Variants in IQCJ observed in about 807,000 individuals in gnomAD.
IQCJ encodes IQ domain-containing protein J.
A neutral mutation model predicts 11.0 loss-of-function variants in IQCJ; 9 were observed. That is an observed-to-expected ratio of 0.82 (90% CI 0.49 to 1.43). IQCJ has a LOEUF of 1.43. IQCJ is among the 40% of genes most tolerant of loss of function. The pLI is 0.00. For synonymous variants in IQCJ, 55 were observed against 51.3 expected, an observed-to-expected ratio of 1.07 and a Z score of -0.31; for missense variants, 146 against 133.2, an observed-to-expected ratio of 1.10 and a Z score of -0.47.
chr3:159,250,001 T>A (rs993268766), intron 2 of IQCJ, among the ~76,000 whole-genome samples: 3 of 152,210 alleles, frequency 2.0e-5, no homozygotes, highest in Admixed American at 1.3e-4. Context: ...GAAGGCTACT[T>A]ATGACTCCGT....
chr3:159,085,040 T>C (rs2108065688), intron 1 of IQCJ, among the ~76,000 whole-genome samples: 1 of 152,146 alleles, frequency 6.6e-6, no homozygotes, highest in South Asian at 2.1e-4. Flanking sequence ...TAGCATTAGG[T>C]ATATCTCCCA....
chr3:159,184,387 GC>G (rs1723268346), intron 1 of IQCJ, among the ~76,000 whole-genome samples: 3 of 151,998 alleles, frequency 2.0e-5, no homozygotes, highest in Admixed American at 6.6e-5. Flanking sequence ...TTCTAAAGTG[GC>G]CCCTGAATCA....
intron 1 of IQCJ, among the ~76,000 whole-genome samples, chr3:159,105,170 A>G (rs1421552952): frequency 1.3e-5 from 2 of 152,244 alleles, no homozygotes; most frequent in Non-Finnish European, 2.9e-5. Context: ...TCTGAAAGAT[A>G]AAATAAATTG....
intron 2 of IQCJ, among the ~76,000 whole-genome samples, chr3:159,250,450 T>G (rs759001902): frequency 5.9e-5 from 9 of 152,190 alleles, no homozygotes; most frequent in African/African-American, 9.6e-5. Flanking sequence ...AATAAGACTT[T>G]CTGTGTTAGT....
At chr3:159,113,627 T>C (rs1305247600) in intron 1 of IQCJ, among the ~76,000 whole-genome samples, 1 of 152,230 alleles carries the variant, frequency 6.6e-6, no homozygotes, top group African/African-American at 2.4e-5. Flanking sequence ...GGAAGTGATA[T>C]TCTTGGCACC....
chr3:159,151,689 G>A (rs1721232112), intron 1 of IQCJ, among the ~76,000 whole-genome samples: 1 of 152,214 alleles, frequency 6.6e-6, no homozygotes, highest in Admixed American at 6.5e-5. Context: ...AGGCTGGAGT[G>A]CAGTGGCGCT....
intron 1 of IQCJ, among the ~76,000 whole-genome samples, chr3:159,151,297 G>A (rs889196998): frequency 6.6e-6 from 1 of 152,208 alleles, no homozygotes; most frequent in African/African-American, 2.4e-5. Flanking sequence ...CTCCCTGAAT[G>A]CCAGCCGGCC....
At chr3:159,220,969 C>T (rs1725502067) in intron 1 of IQCJ, among the ~76,000 whole-genome samples, 2 of 152,006 alleles carry the variant, frequency 1.3e-5, no homozygotes, top group African/African-American at 2.4e-5. Flanking sequence ...GAGCTCAGAG[C>T]AGAAACCTAA....
intron 1 of IQCJ, among the ~76,000 whole-genome samples, chr3:159,187,891 A>G (rs1723463240): frequency 1.3e-5 from 2 of 152,178 alleles, no homozygotes; most frequent in Non-Finnish European, 2.9e-5. Context: ...GATTGGCTGC[A>G]TGACCTATTT....
At position 159,245,822 on chromosome 3, in the gene IQCJ, T is replaced by C. The variant is rs535539522; in HGVS notation, c.10-21T>C. 5.9e-6 allele frequency: 9 copies of C among 1,533,060 alleles called. No individual in the cohort carries two copies. In the African/African-American group the frequency reaches 1.1e-4, roughly 19 times the overall value. 95.0% of individuals were successfully genotyped at this position (1,533,060 alleles called of 1,614,324 possible). ...AAGTAGCTGGTGACAATTTGTAAGATATATCTTCTCTTTTTCACAGGAAGA... is the reference window on the plus strand; with the variant it reads ...AAGTAGCTGGTGACAATTTGTAAGACATATCTTCTCTTTTTCACAGGAAGA... On this transcript the variant is annotated intron_variant, in intron 1 of 3. Coordinates refer to ENST00000397832, the MANE Select transcript of IQCJ (RefSeq NM_001042706.3).
chr3:159,265,397 C>A, downstream of IQCJ: 1 of 1,612,126 alleles, frequency 6.2e-7, no homozygotes, highest in Non-Finnish European at 8.5e-7. Flanking sequence ...TTCTCACCCT[C>A]CAGTGAATGG....
chr3:159,180,916 C>A (rs1723057682), intron 1 of IQCJ, among the ~76,000 whole-genome samples: 5 of 152,010 alleles, frequency 3.3e-5, no homozygotes, highest in Admixed American at 3.3e-4. Flanking sequence ...CTGTAACCTG[C>A]TGTTTTTCAC....
chr3:159,125,414 G>A (rs981210765), intron 1 of IQCJ, among the ~76,000 whole-genome samples: 1 of 152,094 alleles, frequency 6.6e-6, no homozygotes, highest in Admixed American at 6.6e-5. Flanking sequence ...TGGACTTTAG[G>A]TAAAGACTAA....
chr3:159,117,483 T>C lies in IQCJ; in HGVS notation c.9+48042T>C, dbSNP rs903871485. On this transcript the variant is annotated intron_variant, in intron 1 of 3. Transcript: ENST00000397832. ...TCCTTTCACTTATTTAATCATTTAA[T>C]AAAACGTTGAGTTCATTGTATGTAC... Among the ~76,000 whole-genome samples, 3 of 152,354 alleles carry C rather than the reference T, an allele frequency of 2.0e-5. No homozygotes were observed. The South Asian group carries it at 6.2e-4, about 32-fold the overall frequency.
chr3:159,233,811 A>G (rs1267010151), intron 1 of IQCJ, among the ~76,000 whole-genome samples: 1 of 152,168 alleles, frequency 6.6e-6, no homozygotes, highest in Non-Finnish European at 1.5e-5. Flanking sequence ...AGTACACAAA[A>G]CACCTTTAAA....
rs572933096 is a variant in IQCJ at position 159,115,897 on chromosome 3, G to T, written c.9+46456G>T. ...ACACTGCTTGGGGCAGGGGGCATGG[G>T]TATCACACACTGGGGCCTGTCAGGG... On this transcript the variant is annotated intron_variant, in intron 1 of 3. Coordinates refer to ENST00000397832, the MANE Select transcript of IQCJ (RefSeq NM_001042706.3). Among the ~76,000 whole-genome samples, 407 of 152,216 alleles carry T rather than the reference G, an allele frequency of 2.7e-3. 4 individuals are homozygous for T. Among genetic ancestry groups the T allele is most frequent in the Non-Finnish European group, 4.5e-3 (308 of 68,020 alleles).
At position 159,161,372 on chromosome 3, in the gene IQCJ, T is replaced by G. The variant is rs565765357; in HGVS notation, c.10-84471T>G. On this transcript the variant is annotated intron_variant, in intron 1 of 3. Transcript: ENST00000397832. Reference sequence around the variant, plus strand: ...CATGTCCTTTGCCCACTTTTTGATGTGGTTGTTTGTTTTTTTCTTGTAAAT... The same window carrying G: ...CATGTCCTTTGCCCACTTTTTGATGGGGTTGTTTGTTTTTTTCTTGTAAAT... 3.1e-3 allele frequency among the ~76,000 whole-genome samples: 474 copies of G among 152,154 alleles called. 2 individuals carry two copies. The highest frequency in any genetic ancestry group is 0.01 in the African/African-American group (419 of 41,538).
chr3:159,186,143 G>T (rs144761604), intron 1 of IQCJ, among the ~76,000 whole-genome samples: 1 of 152,200 alleles, frequency 6.6e-6, no homozygotes, highest in South Asian at 2.1e-4. Flanking sequence ...AAATGCTACA[G>T]TGAAGGTTGA....
At chr3:159,158,037 T>G (rs1721632380) in intron 1 of IQCJ, among the ~76,000 whole-genome samples, 1 of 152,328 alleles carries the variant, frequency 6.6e-6, no homozygotes, top group African/African-American at 2.4e-5. Context: ...CAAGTAGGTG[T>G]GTATATAAAT....
Sources: allele counts gnomAD v4.1 joint callset (sites outside exome capture counted in the v4.1 genomes callset), GRCh38; gene constraint gnomAD v4.1.1; transcripts MANE v1.5; gene names NCBI Gene and HGNC (gene_info 2026-07-23, HGNC 2026-07-21).